The following OXSR1 variants were observed in gnomAD, a reference collection of about 807,000 sequenced individuals.
OXSR1 encodes oxidative stress responsive kinase 1.
OXSR1 carries 24 observed loss-of-function variants against 79.8 expected under a neutral mutation model. The observed-to-expected ratio is 0.30, with a 90% CI of 0.22 to 0.42. OXSR1 has a LOEUF of 0.42. Among genes scored for constraint, OXSR1 ranks in the 10% least tolerant of loss-of-function variants. OXSR1 has a pLI of 1.00. For synonymous variants in OXSR1, 226 were observed against 209.2 expected, an observed-to-expected ratio of 1.08 and a Z score of -0.69; for missense variants, 430 against 618.4, an observed-to-expected ratio of 0.70 and a Z score of 3.23.
intron 1 of OXSR1, among the ~76,000 whole-genome samples, chr3:38,168,363 C>T (rs569141567): frequency 2.0e-5 from 3 of 152,264 alleles, no homozygotes; most frequent in African/African-American, 7.2e-5. Flanking sequence ...CCTTTTTCCA[C>T]CTCCAGCCTT....
chr3:38,169,609 G>GTT (rs1007606807), intron 1 of OXSR1, among the ~76,000 whole-genome samples: 1 of 140,854 alleles, frequency 7.1e-6, no homozygotes, highest in African/African-American at 2.6e-5. Context: ...CTGGCTGTTC[G>GTT]TTTTTTTTTT....
intron 4 of OXSR1, among the ~76,000 whole-genome samples, chr3:38,210,531 C>T (rs1702364475): frequency 1.3e-5 from 2 of 152,078 alleles, no homozygotes; most frequent in South Asian, 4.2e-4. Flanking sequence ...GGAGGTAAAG[C>T]TCATCCAGCT....
intron 2 of OXSR1, among the ~76,000 whole-genome samples, chr3:38,188,138 A>G (rs1407592475): frequency 3.3e-5 from 5 of 152,020 alleles, no homozygotes; most frequent in African/African-American, 1.2e-4. Context: ...TTTGCTAGAA[A>G]ACCCTTTGTA....
At chr3:38,172,011 C>T (rs1701591842) in intron 1 of OXSR1, among the ~76,000 whole-genome samples, 1 of 152,136 alleles carries the variant, frequency 6.6e-6, no homozygotes, top group Non-Finnish European at 1.5e-5. Context: ...GTACCTATGT[C>T]ACTGGGGCCG....
intron 3 of OXSR1, among the ~76,000 whole-genome samples, chr3:38,197,233 A>C (rs570820610): frequency 1.3e-5 from 2 of 152,250 alleles, no homozygotes; most frequent in Non-Finnish European, 2.9e-5. Context: ...TCTGGAAGCT[A>C]TCTGGAGAGT....
At chr3:38,252,088 A>G (rs1703269687) in intron 16 of OXSR1, among the ~76,000 whole-genome samples, 1 of 152,186 alleles carries the variant, frequency 6.6e-6, no homozygotes, top group Non-Finnish European at 1.5e-5. Context: ...TTTTACCTGC[A>G]TGTTTTTCCT....
At chr3:38,217,039 G>A (rs954127398) in intron 5 of OXSR1, among the ~76,000 whole-genome samples, 7 of 152,180 alleles carry the variant, frequency 4.6e-5, no homozygotes, top group African/African-American at 1.7e-4. Context: ...ATGAATAATT[G>A]TTAAAGGGCT....
In OXSR1 at chr3:38,170,925, T is replaced by A. The variant is rs529369704; in HGVS notation, c.70+4979T>A. Among the ~76,000 whole-genome samples the A allele has an allele frequency of 7.2e-5, 11 of 152,304 alleles. No individual in the cohort carries two copies. The East Asian group carries it at 2.1e-3, about 29-fold the overall frequency. On this transcript the variant is annotated intron_variant, in intron 1 of 17. Transcript: ENST00000311806. ...CCCCAGTAGCTGGACTACAGGCATG[T>A]GCCACCATGCCCGCCTCATTGTTTT...
intron 11 of OXSR1, among the ~76,000 whole-genome samples, chr3:38,239,859 G>A (rs1234616755): frequency 1.3e-5 from 2 of 152,134 alleles, no homozygotes; most frequent in African/African-American, 4.8e-5. Flanking sequence ...ACCTCCCTGT[G>A]CCACAGCTTG....
intron 1 of OXSR1, among the ~76,000 whole-genome samples, chr3:38,178,620 A>ATATTTTTTT (rs1265646743): frequency 5.3e-5 from 5 of 95,126 alleles, no homozygotes; most frequent in African/African-American, 8.9e-5. Context: ...ATATATATAT[A>ATATTTTTTT]TTTTTTTTTT....
chr3:38,216,073 T>G, intron 4 of OXSR1, 23 bp from the exon 5 acceptor site: 1 of 1,478,930 alleles, frequency 6.8e-7, no homozygotes, highest in Non-Finnish European at 9.3e-7. Flanking sequence ...TTTTGATACA[T>G]AACTTTTTTT....
At chr3:38,234,555 C>T (rs906966349) in intron 10 of OXSR1, among the ~76,000 whole-genome samples, 7 of 152,254 alleles carry the variant, frequency 4.6e-5, no homozygotes, top group African/African-American at 1.4e-4. Context: ...TACCACTTCA[C>T]ACCCACTAGG....
At chr3:38,229,469 C>T (rs186754888) in intron 8 of OXSR1, among the ~76,000 whole-genome samples, 1 of 151,970 alleles carries the variant, frequency 6.6e-6, no homozygotes, top group Non-Finnish European at 1.5e-5. Context: ...AAAGAATCTA[C>T]AATAATTATC....
intron 5 of OXSR1, among the ~76,000 whole-genome samples, chr3:38,217,261 G>A (rs947794355): frequency 2.0e-5 from 3 of 152,188 alleles, no homozygotes; most frequent in Non-Finnish European, 4.4e-5. Context: ...CATCTTGACA[G>A]TACTAATTGT....
intron 11 of OXSR1, among the ~76,000 whole-genome samples, chr3:38,237,827 G>A (rs1702950453): frequency 6.6e-6 from 1 of 152,090 alleles, no homozygotes; most frequent in Non-Finnish European, 1.5e-5. Context: ...TGAGTTTAAG[G>A]TTTCTTTATA....
At chr3:38,178,608 A>ATG (rs1214962205) in intron 1 of OXSR1, among the ~76,000 whole-genome samples, 12 of 81,628 alleles carry the variant, frequency 1.5e-4, no homozygotes, top group African/African-American at 1.3e-4. Context: ...CCAGCTATAT[A>ATG]TATATATATA....
intron 1 of OXSR1, among the ~76,000 whole-genome samples, chr3:38,172,132 A>G (rs1701594460): frequency 6.6e-6 from 1 of 152,032 alleles, no homozygotes; most frequent in South Asian, 2.1e-4. Flanking sequence ...ATATTTCCCA[A>G]TTTTTGGTAT....
chr3:38,176,432 T>C (rs887839804), intron 1 of OXSR1, among the ~76,000 whole-genome samples: 1 of 152,264 alleles, frequency 6.6e-6, no homozygotes, highest in African/African-American at 2.4e-5. Context: ...TAAATTTTTT[T>C]CTAATGAGAG....
chr3:38,208,652 C>T (rs1702316871), intron 4 of OXSR1, among the ~76,000 whole-genome samples: 1 of 152,168 alleles, frequency 6.6e-6, no homozygotes, highest in Admixed American at 6.5e-5. Flanking sequence ...CCTGTAATCC[C>T]AGCACTTTGG....
Sources: allele counts gnomAD v4.1 joint callset (sites outside exome capture counted in the v4.1 genomes callset), GRCh38; gene constraint gnomAD v4.1.1; transcripts MANE v1.5; gene names NCBI Gene and HGNC (gene_info 2026-07-23, HGNC 2026-07-21).